The following LIMS2 variants were observed in gnomAD, a reference collection of about 807,000 sequenced individuals.
The protein encoded by LIMS2 is LIM zinc finger domain containing 2, also known as LIM and senescent cell antigen-like-containing domain protein 2.
Under a neutral mutation model 45.3 loss-of-function variants are expected in LIMS2, and 30 were observed. That is an observed-to-expected ratio of 0.66 (90% CI 0.50 to 0.90). LIMS2 has a LOEUF of 0.90. Ranked by LOEUF, LIMS2 falls within the 40% of genes least tolerant of loss-of-function variation. The probability of loss-of-function intolerance (pLI) is 0.00; values close to 1 mark genes in which losing one functional copy is unlikely to be tolerated. For synonymous variants in LIMS2, 173 were observed against 188.0 expected (o/e 0.92, Z 0.65); for missense variants, 485 against 468.7 (o/e 1.03, Z -0.32).
intron 1 of LIMS2, among the ~76,000 whole-genome samples, chr2:127,661,416 C>T (rs184386298): frequency 2.6e-5 from 4 of 152,232 alleles, no homozygotes; most frequent in African/African-American, 7.2e-5. Flanking sequence ...TCCAGAGTCC[C>T]TCTGCATGGC....
chr2:127,659,422 C>T (rs1009881160), intron 1 of LIMS2, among the ~76,000 whole-genome samples: 6 of 152,192 alleles, frequency 3.9e-5, no homozygotes, highest in African/African-American at 1.4e-4. Context: ...TCCCAGCTCC[C>T]TGCTGGTCTC....
intron 6 of LIMS2, 111 bp from the exon 7 acceptor site, chr2:127,641,099 C>T (rs1055411075): frequency 3.9e-6 from 3 of 771,278 alleles, no homozygotes; most frequent in Non-Finnish European, 4.4e-6. Flanking sequence ...CTCCAGGGGA[C>T]CACAGTGGCC....
In LIMS2 at chr2:127,647,161, C is replaced by A. The variant is rs1257415665; in HGVS notation, c.360-4089G>T. On this transcript the variant is annotated intron_variant, in intron 4 of 9. Transcript: ENST00000355119. This position sits in a 1 kb window ranked among gnomAD's most constrained non-coding sequence, Gnocchi z 4.3. ...CCCAGTAACACTCTGCCGTCACTGTCCTGAAACTCTTCCTTTTTGAGCAAG... is the reference window on the plus strand; with the variant it reads ...CCCAGTAACACTCTGCCGTCACTGTACTGAAACTCTTCCTTTTTGAGCAAG... Among the ~76,000 whole-genome samples, 1 of 152,184 alleles carries A rather than the reference C, an allele frequency of 6.6e-6. No homozygotes were observed. Among genetic ancestry groups the A allele is most frequent in the South Asian group, 2.1e-4 (1 of 4,834 alleles).
In LIMS2 at chr2:127,661,414, C is replaced by T. The variant is rs564249424; in HGVS notation, c.12-3852G>A. Among the ~76,000 whole-genome samples the T allele has an allele frequency of 1.2e-4, 19 of 152,368 alleles. No homozygotes were observed. In the South Asian group the frequency reaches 3.5e-3, roughly 28 times the overall value. ...AGCAACTCTGGGAGCCTTCCAGAGT[C>T]CCTCTGCATGGCTCAGCCTAGGGGA... On this transcript the variant is annotated intron_variant, in intron 1 of 9. Coordinates refer to ENST00000355119, the MANE Select transcript of LIMS2 (RefSeq NM_001161403.3).
Position 127,674,546 on chromosome 2 carries a change from C to T in LIMS2, c.11+468G>A, listed in dbSNP as rs941550934. On this transcript the variant is annotated intron_variant, in intron 1 of 9. Coordinates refer to ENST00000355119, the MANE Select transcript of LIMS2 (RefSeq NM_001161403.3). ...AGCTCTGGCCAAGTTCCAACATACC[C>T]TTCAACATTTTTAACATTTTTACCA... is the stretch of plus-strand genomic sequence containing the variant. The T allele has an allele frequency of 5.9e-6, 5 of 853,984 alleles. No individual in the cohort carries two copies. The African/African-American group carries it at 7.3e-5, about 12-fold the overall frequency. The allele number at this position is 853,984 out of a possible 1,614,324, so 52.9% of individuals were successfully genotyped here.
At position 127,642,867 on chromosome 2, in the gene LIMS2, C is replaced by G; in HGVS notation, c.509+56G>C. 6.5e-7 allele frequency: 1 copy of G among 1,533,450 alleles called. No individual in the cohort carries two copies. The highest frequency in any genetic ancestry group is 8.8e-7 in the Non-Finnish European group (1 of 1,136,106). 95.0% of individuals were successfully genotyped at this position (1,533,450 alleles called of 1,614,324 possible). A position where few individuals can be genotyped will look rare whatever the true frequency, so the allele number is the denominator to read the frequency against. The stretch of plus-strand genomic sequence containing the variant: ...AGGTGGAGGCCCCACCGCCCTTACC[C>G]TGGGCCAGCCCTGGCTCCCCGCCCC... On this transcript the variant is annotated intron_variant, in intron 5 of 9. Coordinates refer to ENST00000355119, the MANE Select transcript of LIMS2 (RefSeq NM_001161403.3). The surrounding 1 kb of genome is among the most constrained non-coding windows in gnomAD (Gnocchi z 5.3).
chr2:127,665,773 C>A (rs548072099), intron 1 of LIMS2, among the ~76,000 whole-genome samples: 167 of 152,270 alleles, frequency 1.1e-3, no homozygotes, highest in Non-Finnish European at 1.6e-3. Flanking sequence ...ATGTGGAAAT[C>A]CTCAACACTA....
At chr2:127,679,016 A>C (rs956422519), upstream of LIMS2, among the ~76,000 whole-genome samples, 2 of 152,016 alleles carry the variant, frequency 1.3e-5, no homozygotes, top group African/African-American at 4.8e-5. This position sits in a 1 kb window ranked among gnomAD's most constrained non-coding sequence, Gnocchi z 5.3. Context: ...TGAGGGGGAG[A>C]GCAGGAGAGT....
At chr2:127,641,085 G>A in intron 6 of LIMS2, 97 bp from the exon 7 acceptor site, 1 of 924,272 alleles carries the variant, frequency 1.1e-6, no homozygotes, top group African/African-American at 1.6e-5. Flanking sequence ...CCAGGAGCCA[G>A]TGACTCCAGG....
rs560750824 is a variant in LIMS2, at chr2:127,642,126, C to T, written c.583G>A (p.Val195Ile). ...YCLPCHDKMG[V>I]PICGACRRPI... ...CGGCGGCAGGCCCCGCAGATGGGGA[C>T]GCCCATCTTGTCATGGCAGGGCAGG... The change falls in exon 6 of 10, where the codon GTC becomes ATC. Residue 195 changes from valine to isoleucine, a missense_variant. Coordinates refer to ENST00000355119, the MANE Select transcript of LIMS2 (RefSeq NM_001161403.3). This position sits in a 1 kb window ranked among gnomAD's most constrained non-coding sequence, Gnocchi z 5.3. 25 of 1,606,940 alleles carry T rather than the reference C, an allele frequency of 1.6e-5. No homozygotes were observed. The highest frequency in any genetic ancestry group is 6.7e-5 in the East Asian group (3 of 44,638).
chr2:127,648,804 C>T (rs1683272422), intron 4 of LIMS2, among the ~76,000 whole-genome samples: 1 of 151,280 alleles, frequency 6.6e-6, no homozygotes, highest in Non-Finnish European at 1.5e-5. Context: ...GCCTGTAGTC[C>T]CAGCTATTCA....
chr2:127,663,100 T>A (rs761654129), intron 1 of LIMS2, among the ~76,000 whole-genome samples: 2 of 152,134 alleles, frequency 1.3e-5, no homozygotes, highest in Non-Finnish European at 2.9e-5. Flanking sequence ...ATCGTGCCTG[T>A]CCTGCCTGCA....
intron 1 of LIMS2, among the ~76,000 whole-genome samples, chr2:127,657,920 G>C (rs184310065): frequency 6.6e-5 from 10 of 152,306 alleles, no homozygotes; most frequent in African/African-American, 2.2e-4. Flanking sequence ...CCAGAAAAGG[G>C]ACCTAAGCCT....
rs1684043303 is a variant in LIMS2, at chr2:127,653,833, C to A, written c.359+591G>T. Among the ~76,000 whole-genome samples the A allele has an allele frequency of 6.6e-6, 1 of 152,058 alleles. No individual in the cohort carries two copies. ...CAGTGTTTTTAACCCAGCTCCCCAG[C>A]CCAGTCCTTCAGAAAGGACGAGAGA... On this transcript the variant is annotated intron_variant, in intron 4 of 9. Transcript: ENST00000355119. This position sits in a 1 kb window ranked among gnomAD's most constrained non-coding sequence, Gnocchi z 5.3.
rs1682521473 is a variant in LIMS2, at chr2:127,642,458, G to A, written c.510-259C>T. On this transcript the variant is annotated intron_variant, in intron 5 of 9. Coordinates refer to ENST00000355119, the MANE Select transcript of LIMS2 (RefSeq NM_001161403.3). This position sits in a 1 kb window ranked among gnomAD's most constrained non-coding sequence, Gnocchi z 5.3. Reference sequence around the variant, plus strand: ...GCCTCTGAGAAGCAGGTCTGTTCTTGGGCCCCCCTCCTCCTCCAAACCAGA... The same window carrying A: ...GCCTCTGAGAAGCAGGTCTGTTCTTAGGCCCCCCTCCTCCTCCAAACCAGA... 2.3e-6 allele frequency: 1 copy of A among 426,246 alleles called. No individual in the cohort carries two copies. The highest frequency in any genetic ancestry group is 2.0e-5 in the African/African-American group (1 of 49,814). The allele number at this position is 426,246 out of a possible 1,614,324, so 26.4% of individuals were successfully genotyped here.
intron 4 of LIMS2, chr2:127,651,776 C>G (rs35110735): frequency 6.9e-6 from 11 of 1,603,658 alleles, no homozygotes; most frequent in South Asian, 1.1e-5. Context: ...CCGTCCAGGC[C>G]GAGCGCAGAC....
At chr2:127,640,431 C>A in intron 7 of LIMS2, 113 bp from the exon 8 acceptor site, 1 of 1,187,790 alleles carries the variant, frequency 8.4e-7, no homozygotes, top group Non-Finnish European at 1.2e-6. Context: ...TCTCCCAGGC[C>A]CTGCCTCCCA....
intron 4 of LIMS2, among the ~76,000 whole-genome samples, chr2:127,649,635 C>A (rs1166511647): frequency 6.6e-6 from 1 of 152,214 alleles, no homozygotes; most frequent in Non-Finnish European, 1.5e-5. Flanking sequence ...TGTTTGGGAC[C>A]CTCACTCTCC....
At chr2:127,680,905 C>A (rs773945172) in intron 1 of LIMS2, among the ~76,000 whole-genome samples, 5 of 152,212 alleles carry the variant, frequency 3.3e-5, no homozygotes, top group African/African-American at 1.2e-4. Context: ...CGTCGAGTAT[C>A]CAGCAAGAAG....
Sources: gnomAD v4.1 joint callset for allele counts (sites outside exome capture counted in the v4.1 genomes callset) on GRCh38, gnomAD v4.1.1 for gene constraint, Gnocchi (gnomAD v3.1) non-coding constraint, MANE v1.5 for transcripts, NCBI Gene and HGNC (gene_info 2026-07-23, HGNC 2026-07-21) for gene names.